GPCPD1: variants seen among roughly 807,000 people sequenced by gnomAD.
The protein encoded by GPCPD1 is glycerophosphocholine phosphodiesterase GPCPD1.
A neutral mutation model predicts 89.2 loss-of-function variants in GPCPD1; 29 were observed. That is an observed-to-expected ratio of 0.33 (90% CI 0.24 to 0.44). The LOEUF is 0.44. Among genes scored for constraint, GPCPD1 ranks in the 20% least tolerant of loss-of-function variants. The pLI, the probability that GPCPD1 is intolerant of heterozygous loss-of-function variation, is 1.00. For missense variants in GPCPD1, 594 were observed against 808.9 expected (o/e 0.73, Z 3.22); for synonymous variants, 258 against 266.3 (o/e 0.97, Z 0.30).
chr20:5,571,991 A>T (rs1487594222), intron 11 of GPCPD1, among the ~76,000 whole-genome samples: 2 of 152,148 alleles, frequency 1.3e-5, no homozygotes, highest in African/African-American at 2.4e-5. Flanking sequence ...AGGCCAAGTG[A>T]GGGGATCGCT....
chr20:5,586,588 T>A (rs1016561690), intron 4 of GPCPD1, among the ~76,000 whole-genome samples: 3 of 152,208 alleles, frequency 2.0e-5, no homozygotes, highest in African/African-American at 7.2e-5. Context: ...TGATATTAAT[T>A]CTTAAGATAA....
rs1984993165 is a variant in GPCPD1, at chr20:5,545,605, G to C, written c.*2056C>G. On this transcript the variant is annotated 3_prime_UTR_variant, in exon 20 of 20. Transcript: ENST00000379019. ...CAGGGCCAATGACAGGGACAGGGTG[G>C]CTGAAGCAGGGTGTAAAAGGCAACA... The C allele has an allele frequency of 6.6e-6, 1 of 152,358 alleles. No homozygotes were observed. The allele number at this position is 152,358 out of a possible 1,614,324, so 9.4% of individuals were successfully genotyped here.
At chr20:5,609,309 G>C (rs1980799026) in intron 1 of GPCPD1, among the ~76,000 whole-genome samples, 2 of 152,090 alleles carry the variant, frequency 1.3e-5, no homozygotes, top group Admixed American at 6.6e-5. Context: ...GCTCATCTTG[G>C]TGAAGGATCA....
At chr20:5,595,979 A>T in intron 3 of GPCPD1, among the ~76,000 whole-genome samples, 1 of 151,888 alleles carries the variant, frequency 6.6e-6, no homozygotes. Flanking sequence ...AGGTATGTGT[A>T]TTTTTTTTCA....
chr20:5,601,687 C>CA (rs1412138329), intron 2 of GPCPD1, among the ~76,000 whole-genome samples: 16 of 151,730 alleles, frequency 1.1e-4, no homozygotes, highest in South Asian at 2.1e-4. Context: ...CTCTTAACAA[C>CA]AAAAAAAACT....
chr20:5,547,412 T>C lies in GPCPD1; in HGVS notation c.*249A>G, dbSNP rs879495241. On this transcript the variant is annotated 3_prime_UTR_variant, in exon 20 of 20. Transcript: ENST00000379019. ...ATGTTTAACATTATAGATTTATATA[T>C]TTAGTTTAAAATATTTATATTACTA... 4.5e-6 allele frequency: 1 copy of C among 223,608 alleles called. No individual in the cohort carries two copies. Among genetic ancestry groups the C allele is most frequent in the Non-Finnish European group, 8.6e-6 (1 of 116,420 alleles). The allele number at this position is 223,608 out of a possible 1,614,324, so 13.9% of individuals were successfully genotyped here.
intron 2 of GPCPD1, among the ~76,000 whole-genome samples, chr20:5,603,029 C>T (rs1458083679): frequency 6.7e-6 from 1 of 148,286 alleles, no homozygotes; most frequent in African/African-American, 2.5e-5. Context: ...CACGGTGGCT[C>T]CTACCTGTAA....
Position 5,566,641 on chromosome 20 carries a change from G to T in GPCPD1, c.1267+92C>A. Reference sequence around the variant, plus strand: ...GGCCCAGTATTATACTCATAAAAATGACCAAGTATCAAGTATGTGCTAAAA... The same window carrying T: ...GGCCCAGTATTATACTCATAAAAATTACCAAGTATCAAGTATGTGCTAAAA... On this transcript the variant is annotated intron_variant, in intron 14 of 19. Transcript: ENST00000379019. 4 of 771,094 alleles carry T rather than the reference G, an allele frequency of 5.2e-6. No homozygotes were observed. The South Asian group carries it at 5.8e-5, about 11-fold the overall frequency. The allele number at this position is 771,094 out of a possible 1,614,324, so 47.8% of individuals were successfully genotyped here.
In GPCPD1 at chr20:5,587,261, G is replaced by T. The variant is rs148477339; in HGVS notation, c.232-992C>A. ...TTACATAAATGTAATTAAATACAGA[G>T]AAGCAAAAAGAAAATACAAAACTCA... On this transcript the variant is annotated intron_variant, in intron 4 of 19. Transcript: ENST00000379019. Among the ~76,000 whole-genome samples, 1,148 of 152,104 alleles carry T rather than the reference G, an allele frequency of 7.5e-3. 15 individuals carry two copies. Among genetic ancestry groups the T allele is most frequent in the African/African-American group, 0.026 (1,085 of 41,490 alleles).
At chr20:5,563,844 A>T (rs899335069) in intron 15 of GPCPD1, among the ~76,000 whole-genome samples, 1 of 152,230 alleles carries the variant, frequency 6.6e-6, no homozygotes, top group Non-Finnish European at 1.5e-5. Context: ...ATATTTTAAC[A>T]AAATCTTCAT....
intron 1 of GPCPD1, among the ~76,000 whole-genome samples, chr20:5,609,044 G>A (rs1011547165): frequency 2.6e-5 from 4 of 152,124 alleles, no homozygotes; most frequent in East Asian, 1.9e-4. Context: ...GATTTACCAG[G>A]CTGGGAAACC....
At chr20:5,578,731 A>T in intron 7 of GPCPD1, 120 bp from the exon 8 acceptor site, 1 of 645,934 alleles carries the variant, frequency 1.5e-6, no homozygotes, top group Non-Finnish European at 2.8e-6. Context: ...CGAATAACAA[A>T]AATAATGTAT....
At chr20:5,595,542 G>A (rs181198753) in intron 3 of GPCPD1, among the ~76,000 whole-genome samples, 16 of 152,242 alleles carry the variant, frequency 1.1e-4, no homozygotes, top group Admixed American at 9.8e-4. Flanking sequence ...TCAGGAGGCT[G>A]AGGCAGGCGA....
intron 15 of GPCPD1, among the ~76,000 whole-genome samples, chr20:5,564,783 G>A (rs1986289096): frequency 6.6e-6 from 1 of 152,130 alleles, no homozygotes; most frequent in Admixed American, 6.5e-5. Flanking sequence ...TGAGGCTGCA[G>A]TGAGCCCTGA....
chr20:5,553,651 G>A (rs1471808777), intron 19 of GPCPD1, among the ~76,000 whole-genome samples: 2 of 152,204 alleles, frequency 1.3e-5, no homozygotes, highest in East Asian at 1.9e-4. Flanking sequence ...AAGCAAAGCA[G>A]CCTTATTGCT....
At chr20:5,576,064 C>G (rs1488594660) in intron 8 of GPCPD1, 86 bp from the exon 9 acceptor site, 11 of 514,084 alleles carry the variant, frequency 2.1e-5, no homozygotes, top group South Asian at 7.8e-5. Context: ...CACACACAGA[C>G]ACACACACAC....
intron 2 of GPCPD1, 72 bp downstream of exon 2, chr20:5,604,292 T>C: frequency 1.2e-6 from 1 of 804,284 alleles, no homozygotes; most frequent in Non-Finnish European, 2.1e-6. Flanking sequence ...AGCAACTCCA[T>C]ATTTAAGGTA....
intron 4 of GPCPD1, among the ~76,000 whole-genome samples, chr20:5,586,978 T>G (rs1002494374): frequency 3.3e-5 from 5 of 152,190 alleles, no homozygotes; most frequent in African/African-American, 1.2e-4. Context: ...TCATACAGTG[T>G]GACAATTCCT....
intron 6 of GPCPD1, among the ~76,000 whole-genome samples, chr20:5,581,528 G>C (rs552288848): frequency 2.6e-5 from 4 of 152,256 alleles, no homozygotes; most frequent in Admixed American, 2.6e-4. Flanking sequence ...GGGGGTGTGA[G>C]ATATCAGAAG....
Sources: allele counts gnomAD v4.1 joint callset (sites outside exome capture counted in the v4.1 genomes callset), GRCh38; gene constraint gnomAD v4.1.1; transcripts MANE v1.5; gene names NCBI Gene and HGNC (gene_info 2026-07-23, HGNC 2026-07-21).